The following KDM5B variants were observed in gnomAD, a reference collection of about 807,000 sequenced individuals.
KDM5B encodes lysine demethylase 5B, also known as lysine-specific demethylase 5B.
In KDM5B, 144 loss-of-function variants were observed where a neutral mutation model predicts 193.4. The observed-to-expected ratio is 0.74, with a 90% CI of 0.65 to 0.86. The LOEUF (loss-of-function observed/expected upper bound fraction) is 0.86. Among genes scored for constraint, KDM5B ranks in the 40% least tolerant of loss-of-function variants. KDM5B has a pLI of 0.00. For synonymous variants in KDM5B, 668 were observed against 682.6 expected (o/e 0.98, Z 0.33); for missense variants, 1,833 against 1,886.9 (o/e 0.97, Z 0.53).
At chr1:202,785,966 T>A (rs989884099) in intron 1 of KDM5B, among the ~76,000 whole-genome samples, 2 of 151,656 alleles carry the variant, frequency 1.3e-5, no homozygotes, top group Non-Finnish European at 2.9e-5. Flanking sequence ...GTTGCAAAGC[T>A]TTCGTTTCCA....
Position 202,744,987 on chromosome 1 carries a change from G to A in KDM5B, c.2323+871C>T, listed in dbSNP as rs146578440. Among the ~76,000 whole-genome samples, 1,171 of 152,266 alleles carry A rather than the reference G, an allele frequency of 7.7e-3. 16 individuals are homozygous for A. The highest frequency in any genetic ancestry group is 0.027 in the African/African-American group (1,117 of 41,556). On this transcript the variant is annotated intron_variant, in intron 16 of 26. Coordinates refer to ENST00000367265, the MANE Select transcript of KDM5B (RefSeq NM_006618.5). ...TGCAGCCATAAAAAAGAATGAGCTC[G>A]TGTCCTTTGCAGGAACATGGATGGA...
At chr1:202,766,080 G>A (rs1205806328) in intron 5 of KDM5B, among the ~76,000 whole-genome samples, 2 of 152,188 alleles carry the variant, frequency 1.3e-5, no homozygotes, top group Non-Finnish European at 2.9e-5. Flanking sequence ...AGGCATGCAT[G>A]GCATGCATCT....
At chr1:202,758,816 C>A in intron 8 of KDM5B, 1 of 200,296 alleles carries the variant, frequency 5.0e-6, no homozygotes, top group East Asian at 1.2e-4. Context: ...ATAATGTTTT[C>A]AATACTGAAA....
chr1:202,773,410 C>T, intron 3 of KDM5B, 122 bp from the exon 4 acceptor site: 1 of 702,850 alleles, frequency 1.4e-6, no homozygotes, highest in Non-Finnish European at 2.4e-6. Flanking sequence ...TTTTGCCAAT[C>T]ATATATATAT....
At chr1:202,747,190 G>A (rs7546307) in intron 14 of KDM5B, among the ~76,000 whole-genome samples, 8,963 of 152,156 alleles carry the variant, frequency 0.059, 456 homozygotes, top group East Asian at 0.25. Flanking sequence ...CAAAGATGAG[G>A]AAGGTAAGGA....
chr1:202,731,745 T>A, intron 24 of KDM5B, 83 bp downstream of exon 24: 1 of 1,029,828 alleles, frequency 9.7e-7, no homozygotes, highest in South Asian at 1.3e-5. Flanking sequence ...CTTTTTATGG[T>A]ACTTGATCAT....
At chr1:202,765,639 T>G (rs913161972) in intron 5 of KDM5B, among the ~76,000 whole-genome samples, 1 of 152,246 alleles carries the variant, frequency 6.6e-6, no homozygotes, top group Non-Finnish European at 1.5e-5. Context: ...TTTCCTATTC[T>G]GGGCAGTCTC....
At chr1:202,766,506 TA>T (rs747461789) in intron 5 of KDM5B, 61,854 of 356,020 alleles carry the variant, frequency 0.17, no homozygotes, top group South Asian at 0.27. Context: ...ACTCTGTCTC[TA>T]AAAAAAAAAA....
chr1:202,725,860 GA>G lies in KDM5B; in HGVS notation c.*3175del, dbSNP rs1349454460. ...CATTCCGGTATGTGTCATATGGCAA[GA>G]AACATAGGCAAGACTGAGCCCAGAA... On this transcript the variant is annotated 3_prime_UTR_variant, in exon 27 of 27. Coordinates refer to ENST00000367265, the MANE Select transcript of KDM5B (RefSeq NM_006618.5). The G allele has an allele frequency of 6.6e-6, 1 of 152,204 alleles. No individual in the cohort carries two copies. The highest frequency in any genetic ancestry group is 1.5e-5 in the Non-Finnish European group (1 of 68,046). 9.4% of individuals were successfully genotyped at this position (152,204 alleles called of 1,614,324 possible). A position where few individuals can be genotyped will look rare whatever the true frequency, so the allele number is the denominator to read the frequency against.
intron 1 of KDM5B, among the ~76,000 whole-genome samples, chr1:202,783,855 T>A (rs1194627044): frequency 6.6e-6 from 1 of 151,894 alleles, no homozygotes; most frequent in Non-Finnish European, 1.5e-5. Flanking sequence ...CACTCCAGAC[T>A]GGGGACAGAG....
chr1:202,733,093 T>C (rs1360092505), intron 23 of KDM5B, among the ~76,000 whole-genome samples: 1 of 152,206 alleles, frequency 6.6e-6, no homozygotes, highest in Non-Finnish European at 1.5e-5. Context: ...AGATACATCA[T>C]ATACGTATAT....
At position 202,808,153 on chromosome 1, in the gene KDM5B, C is replaced by A. The variant is rs1412157503; in HGVS notation, c.153G>T (p.Lys51Asn). 1.2e-6 allele frequency: 2 copies of A among 1,613,080 alleles called. No individual in the cohort carries two copies. Among genetic ancestry groups the A allele is most frequent in the Non-Finnish European group, 1.7e-6 (2 of 1,179,586 alleles). Residue 51 changes from lysine (K) to asparagine (N), a missense_variant, in exon 1 of 27, where the codon AAG (lysine) becomes AAT (asparagine). Physicochemically the swap from Lys to Asn is moderately conservative, Grantham distance 94 (BLOSUM62 0). Transcript: ENST00000367265. ...EFADPFAFIH[K>N]IRPIAEQTGI... ...CAGTCTGCTCGGCTATGGGCCGGAT[C>A]TTGTGGATGAAAGCGAAGGGGTCCG...
At chr1:202,787,893 A>C (rs1399976281) in intron 1 of KDM5B, among the ~76,000 whole-genome samples, 2 of 96,222 alleles carry the variant, frequency 2.1e-5, no homozygotes, top group Non-Finnish European at 5.2e-5. Context: ...ACTCTGTCTC[A>C]AAAAAAAAAA....
In KDM5B at chr1:202,760,485, G is replaced by T. The variant is rs758973982; in HGVS notation, c.1007C>A (p.Thr336Asn). 6.2e-7 allele frequency: 1 copy of T among 1,613,472 alleles called. No homozygotes were observed. Among genetic ancestry groups the T allele is most frequent in the Non-Finnish European group, 8.5e-7 (1 of 1,179,642 alleles). ...LCDGCDDSYH[T>N]FCLIPPLHDV... ...ATGGAGAGGTGGGATCAAGCAAAAG[G>T]TATGGTAACTGTCATCACAGCCATC... is the stretch of plus-strand genomic sequence containing the variant. Residue 336 changes from threonine to asparagine, a missense_variant, in exon 8 of 27, where the codon ACC (threonine) becomes AAC (asparagine). Physicochemically the swap from Thr to Asn is moderately conservative, Grantham distance 65. Coordinates refer to ENST00000367265, the MANE Select transcript of KDM5B (RefSeq NM_006618.5).
At chr1:202,793,610 C>T (rs955869621) in intron 1 of KDM5B, among the ~76,000 whole-genome samples, 6 of 152,222 alleles carry the variant, frequency 3.9e-5, no homozygotes, top group African/African-American at 1.4e-4. Flanking sequence ...TAATGGAACA[C>T]ATGCCAGAAA....
At chr1:202,793,254 G>T (rs568590315) in intron 1 of KDM5B, among the ~76,000 whole-genome samples, 51 of 152,216 alleles carry the variant, frequency 3.4e-4, no homozygotes, top group Non-Finnish European at 5.7e-4. Flanking sequence ...CAAATATGTT[G>T]CTTTTGTTTT....
At chr1:202,732,044 A>T in intron 23 of KDM5B, 105 bp from the exon 24 acceptor site, 55 of 511,264 alleles carry the variant, frequency 1.1e-4, no homozygotes, top group East Asian at 2.8e-4. Flanking sequence ...AACCAGGGGA[A>T]AAAAAAAAAA....
At chr1:202,741,770 A>G (rs894091845) in intron 18 of KDM5B, 48 bp from the exon 19 acceptor site, 3 of 1,079,660 alleles carry the variant, frequency 2.8e-6, no homozygotes, top group Admixed American at 4.2e-5. Context: ...AATTTCAGTA[A>G]TTGGCTTCTT....
chr1:202,787,330 G>T (rs1466535046), intron 1 of KDM5B, among the ~76,000 whole-genome samples: 1 of 152,016 alleles, frequency 6.6e-6, no homozygotes, highest in African/African-American at 2.4e-5. Context: ...TTTTAATACT[G>T]CAATAACTCA....
Sources: allele counts gnomAD v4.1 joint callset (sites outside exome capture counted in the v4.1 genomes callset), GRCh38; gene constraint gnomAD v4.1.1; transcripts MANE v1.5; gene names NCBI Gene and HGNC (gene_info 2026-07-23, HGNC 2026-07-21).